Variants in NT5DC1 observed in about 807,000 individuals in gnomAD.
NT5DC1 encodes the protein 5'-nucleotidase domain-containing protein 1.
In NT5DC1, 42 loss-of-function variants were observed where a neutral mutation model predicts 59.4. The ratio of observed to expected loss-of-function variants is 0.71; its 90% CI spans 0.55 to 0.92. The LOEUF is 0.92. NT5DC1 is among the 40% of genes least tolerant of loss of function. The pLI is 0.00. For synonymous variants in NT5DC1, 172 were observed against 188.1 expected (o/e 0.91, Z 0.70); for missense variants, 501 against 537.1 (o/e 0.93, Z 0.66).
At chr6:116,106,395 A>C in intron 2 of NT5DC1, 60 bp downstream of exon 2, 1 of 745,940 alleles carries the variant, frequency 1.3e-6, no homozygotes. Flanking sequence ...TCTAATTGTT[A>C]CTGATAAAAC....
intron 6 of NT5DC1, among the ~76,000 whole-genome samples, chr6:116,214,723 A>G (rs1344780549): frequency 6.6e-6 from 1 of 152,158 alleles, no homozygotes; most frequent in African/African-American, 2.4e-5. Context: ...AAATGCAAAG[A>G]CATTTTAGAG....
At chr6:116,237,635 G>A in intron 9 of NT5DC1, 1 of 400,148 alleles carries the variant, frequency 2.5e-6, no homozygotes, top group South Asian at 1.8e-5. Flanking sequence ...TCTGAAAATT[G>A]AGAGGTATGG....
At chr6:116,229,193 T>C (rs1356784020) in intron 8 of NT5DC1, among the ~76,000 whole-genome samples, 1 of 152,200 alleles carries the variant, frequency 6.6e-6, no homozygotes, top group Non-Finnish European at 1.5e-5. Context: ...ACAATTACTT[T>C]TGCACTAACC....
At chr6:116,160,469 G>C (rs1780300438) in intron 6 of NT5DC1, among the ~76,000 whole-genome samples, 1 of 151,526 alleles carries the variant, frequency 6.6e-6, no homozygotes, top group African/African-American at 2.4e-5. Flanking sequence ...GAATTTTTGT[G>C]GTTTTTTTTC....
At chr6:116,181,962 C>T (rs1045932191) in intron 6 of NT5DC1, among the ~76,000 whole-genome samples, 3 of 152,020 alleles carry the variant, frequency 2.0e-5, no homozygotes, top group African/African-American at 7.2e-5. Flanking sequence ...GATTTTGGTG[C>T]ACCCATCACC....
chr6:116,136,921 G>A (rs993652834), intron 6 of NT5DC1: 4 of 152,186 alleles, frequency 2.6e-5, no homozygotes, highest in African/African-American at 7.2e-5. Context: ...TTGTCGTGAT[G>A]GATAGTATAT....
chr6:116,223,008 CTT>C (rs1274987692), intron 7 of NT5DC1, 24 bp from the exon 8 acceptor site: 8 of 1,231,794 alleles, frequency 6.5e-6, no homozygotes, highest in African/African-American at 1.5e-5. Context: ...TTAAAATAAA[CTT>C]ATGAAAAATT....
intron 6 of NT5DC1, among the ~76,000 whole-genome samples, chr6:116,135,036 AC>A (rs377003946): frequency 1.3e-5 from 2 of 152,212 alleles, no homozygotes; most frequent in African/African-American, 4.8e-5. Flanking sequence ...ATTATCTTTT[AC>A]TCATCTGTAC....
intron 6 of NT5DC1, among the ~76,000 whole-genome samples, chr6:116,128,225 G>A (rs574287557): frequency 6.6e-6 from 1 of 152,148 alleles, no homozygotes; most frequent in South Asian, 2.1e-4. Context: ...AACCCTTTTT[G>A]CAAATAGTGT....
At chr6:116,232,261 T>A (rs1782032113) in intron 8 of NT5DC1, among the ~76,000 whole-genome samples, 1 of 152,188 alleles carries the variant, frequency 6.6e-6, no homozygotes, top group Non-Finnish European at 1.5e-5. Context: ...GGGTTATTAT[T>A]TTAACTTATG....
intron 1 of NT5DC1, among the ~76,000 whole-genome samples, chr6:116,101,895 G>A (rs1433462508): frequency 1.3e-5 from 2 of 152,188 alleles, no homozygotes; most frequent in Non-Finnish European, 2.9e-5. Context: ...AGTGGTGAAA[G>A]CGAGGACTCC....
chr6:116,176,772 G>A (rs867271940), intron 6 of NT5DC1, among the ~76,000 whole-genome samples: 2 of 152,020 alleles, frequency 1.3e-5, no homozygotes, highest in Admixed American at 6.6e-5. Flanking sequence ...AGGTAGCACC[G>A]AAGCACTGTG....
intron 6 of NT5DC1, among the ~76,000 whole-genome samples, chr6:116,166,841 G>C (rs1780480636): frequency 6.6e-6 from 1 of 152,124 alleles, no homozygotes; most frequent in Non-Finnish European, 1.5e-5. Context: ...AAGACGAAAG[G>C]ACTGAAATTC....
chr6:116,176,860 C>T (rs1780745719), intron 6 of NT5DC1, among the ~76,000 whole-genome samples: 2 of 152,192 alleles, frequency 1.3e-5, no homozygotes, highest in African/African-American at 4.8e-5. Flanking sequence ...GCTGACTGTC[C>T]TGTGATCTTC....
At chr6:116,160,925 A>T (rs1780312024) in intron 6 of NT5DC1, among the ~76,000 whole-genome samples, 2 of 152,044 alleles carry the variant, frequency 1.3e-5, no homozygotes, top group Admixed American at 1.3e-4. Flanking sequence ...ACAATAGCAA[A>T]GACTTGGAAC....
At chr6:116,203,658 GT>G (rs2114513965) in intron 6 of NT5DC1, among the ~76,000 whole-genome samples, 1 of 151,932 alleles carries the variant, frequency 6.6e-6, no homozygotes, top group East Asian at 2.0e-4. Flanking sequence ...ATTGGGGACT[GT>G]TATAAATAAT....
intron 7 of NT5DC1, among the ~76,000 whole-genome samples, chr6:116,222,329 AG>A (rs1193684916): frequency 7.9e-5 from 12 of 152,262 alleles, no homozygotes; most frequent in Non-Finnish European, 1.2e-4. Context: ...AGATAACCAT[AG>A]TCTTTCTTCA....
In NT5DC1 at chr6:116,104,629, T is replaced by TTTTTG. The variant is rs542849809; in HGVS notation, c.94-1595_94-1591dup. The stretch of plus-strand genomic sequence containing the variant: ...CAGGGCAGTGTTTTTGTTTTCTGTT[T>TTTTTG]TTTTGTTTTGTTTTGTTTTGTTTTT... On this transcript the variant is annotated intron_variant, in intron 1 of 11. Coordinates refer to ENST00000319550, the MANE Select transcript of NT5DC1 (RefSeq NM_152729.3). Among the ~76,000 whole-genome samples, 390 of 152,254 alleles carry TTTTTG rather than the reference T, an allele frequency of 2.6e-3. 10 individuals are homozygous for TTTTTG. In the South Asian group the frequency reaches 0.043, roughly 17 times the overall value.
chr6:116,186,919 A>AT (rs1781012676), intron 6 of NT5DC1, among the ~76,000 whole-genome samples: 1 of 152,016 alleles, frequency 6.6e-6, no homozygotes, highest in South Asian at 2.1e-4. Flanking sequence ...AGCTAGTGTT[A>AT]TCTTTTGGGG....
Sources: allele counts gnomAD v4.1 joint callset (sites outside exome capture counted in the v4.1 genomes callset), GRCh38; gene constraint gnomAD v4.1.1; transcripts MANE v1.5; gene names NCBI Gene and HGNC (gene_info 2026-07-23, HGNC 2026-07-21).